MVB12B: variants seen among roughly 807,000 people sequenced by gnomAD.
MVB12B encodes multivesicular body subunit 12B.
MVB12B carries 16 observed loss-of-function variants against 41.6 expected under a neutral mutation model. The observed-to-expected ratio is 0.38, with a 90% CI of 0.26 to 0.58. The LOEUF (loss-of-function observed/expected upper bound fraction) is 0.58, where lower values mean the gene tolerates loss of function less well. Among genes scored for constraint, MVB12B ranks in the 20% least tolerant of loss-of-function variants. MVB12B has a pLI of 0.62. For synonymous variants in MVB12B, 133 were observed against 139.7 expected, an observed-to-expected ratio of 0.95 and a Z score of 0.34; for missense variants, 274 against 380.2, an observed-to-expected ratio of 0.72 and a Z score of 2.32.
At chr9:126,418,880 C>A (rs1388385490) in intron 6 of MVB12B, among the ~76,000 whole-genome samples, 1 of 152,214 alleles carries the variant, frequency 6.6e-6, no homozygotes, top group Non-Finnish European at 1.5e-5. Flanking sequence ...CTTGAGTCTT[C>A]CCGCCTTCCA....
intron 6 of MVB12B, among the ~76,000 whole-genome samples, chr9:126,408,994 G>T (rs935171898): frequency 2.0e-5 from 3 of 152,092 alleles, no homozygotes; most frequent in Admixed American, 6.5e-5. Flanking sequence ...TGCGGGGTTT[G>T]GATGGCCACC....
chr9:126,474,421 C>T (rs993452275), intron 7 of MVB12B, among the ~76,000 whole-genome samples: 3 of 152,138 alleles, frequency 2.0e-5, no homozygotes, highest in African/African-American at 7.2e-5. Flanking sequence ...ATGAAGAATG[C>T]ATGCCGTTGA....
At chr9:126,448,827 C>T (rs950699273) in intron 7 of MVB12B, among the ~76,000 whole-genome samples, 1 of 152,126 alleles carries the variant, frequency 6.6e-6, no homozygotes, top group Non-Finnish European at 1.5e-5. Flanking sequence ...TCCCACCAGG[C>T]TCCCCGCCTC....
chr9:126,458,773 G>A (rs1833035117), intron 7 of MVB12B, among the ~76,000 whole-genome samples: 1 of 152,172 alleles, frequency 6.6e-6, no homozygotes, highest in Non-Finnish European at 1.5e-5. Flanking sequence ...ATGGCTGGAA[G>A]TCATTACTCA....
intron 2 of MVB12B, among the ~76,000 whole-genome samples, chr9:126,353,593 G>A (rs1176123250): frequency 2.0e-5 from 3 of 152,178 alleles, no homozygotes; most frequent in Admixed American, 6.5e-5. Context: ...TGGCAGTAGC[G>A]TGAGTGTTGT....
chr9:126,346,128 TAGAC>T (rs1427702245), intron 2 of MVB12B, among the ~76,000 whole-genome samples: 1 of 152,070 alleles, frequency 6.6e-6, no homozygotes, highest in Non-Finnish European at 1.5e-5. Context: ...AAGAGGCTCT[TAGAC>T]AGATGTGTGT....
chr9:126,419,491 G>A (rs1425204025), intron 6 of MVB12B, among the ~76,000 whole-genome samples: 3 of 152,168 alleles, frequency 2.0e-5, no homozygotes, highest in Non-Finnish European at 4.4e-5. Context: ...TACCTGCCTC[G>A]AGGGGCGTTG....
chr9:126,486,885 C>CG lies in MVB12B; in HGVS notation c.873+2853_873+2854insG, dbSNP rs1588207761. On this transcript the variant is annotated intron_variant, in intron 9 of 9. Transcript: ENST00000361171. This position sits in a 1 kb window ranked among gnomAD's most constrained non-coding sequence, Gnocchi z 4.7. ...GGCTGGTGGCCAGTCAGTCTAGTTC[C>CG]TTAACCTGGGTGGGCCTTCGAGTTG... Among the ~76,000 whole-genome samples, 4 of 152,270 alleles carry CG rather than the reference C, an allele frequency of 2.6e-5. No homozygotes were observed. The highest frequency in any genetic ancestry group is 2.1e-4 in the South Asian group (1 of 4,824).
intron 7 of MVB12B, among the ~76,000 whole-genome samples, chr9:126,476,453 C>A (rs954845358): frequency 6.6e-6 from 1 of 152,214 alleles, no homozygotes; most frequent in South Asian, 2.1e-4. Context: ...GCACCCTGCC[C>A]GCTCCCTGCA....
Position 126,340,585 on chromosome 9 carries a change from C to T in MVB12B, c.159C>T (p.Val53=), listed in dbSNP as rs144718826. 3.7e-5 allele frequency: 60 copies of T among 1,614,012 alleles called. No individual in the cohort carries two copies. The highest frequency in any genetic ancestry group is 8.8e-5 in the South Asian group (8 of 91,070). ...CGTCAATGGATCCCATCACGGGAGTCGGGGTGGTGGCTTCTCGGAACCGAG... is the reference window on the plus strand; with the variant it reads ...CGTCAATGGATCCCATCACGGGAGTTGGGGTGGTGGCTTCTCGGAACCGAG... ...PETSMDPITG[V]GVVASRNRAP... Residue 53 remains valine, a synonymous_variant, in exon 2 of 10, where the codon GTC becomes GTT. Coordinates refer to ENST00000361171, the MANE Select transcript of MVB12B (RefSeq NM_033446.3). The surrounding 1 kb of genome is among the most constrained non-coding windows in gnomAD (Gnocchi z 4.0).
intron 2 of MVB12B, among the ~76,000 whole-genome samples, chr9:126,348,743 A>C (rs1043974128): frequency 6.6e-6 from 1 of 152,104 alleles, no homozygotes; most frequent in African/African-American, 2.4e-5. Context: ...TTTTCAGTTA[A>C]ACTTTTTATT....
At position 126,333,332 on chromosome 9, in the gene MVB12B, G is replaced by A. The variant is rs182250952; in HGVS notation, c.81+6322G>A. Among the ~76,000 whole-genome samples, 39 of 151,878 alleles carry A rather than the reference G, an allele frequency of 2.6e-4. No individual in the cohort carries two copies. The highest frequency in any genetic ancestry group is 1.7e-3 in the Admixed American group (26 of 15,276). On this transcript the variant is annotated intron_variant, in intron 1 of 9. Coordinates refer to ENST00000361171, the MANE Select transcript of MVB12B (RefSeq NM_033446.3). The surrounding 1 kb of genome is among the most constrained non-coding windows in gnomAD (Gnocchi z 4.7). ...GAACTCCTGACCTTGTGATCTGTCC[G>A]CCTCGGACTCCCAAGGTGCTGGGAT...
At chr9:126,431,668 T>A (rs1454268693) in intron 7 of MVB12B, among the ~76,000 whole-genome samples, 1 of 152,118 alleles carries the variant, frequency 6.6e-6, no homozygotes, top group Non-Finnish European at 1.5e-5. Flanking sequence ...ATGGGCCACA[T>A]CCCCTTCTTA....
At chr9:126,500,485 G>C (rs1833931248) in intron 9 of MVB12B, among the ~76,000 whole-genome samples, 1 of 152,078 alleles carries the variant, frequency 6.6e-6, no homozygotes, top group Admixed American at 6.5e-5. Flanking sequence ...CCAGGTTCCA[G>C]TGATTGGGTC....
rs566527850 is a variant in MVB12B at position 126,472,659 on chromosome 9, T to C, written c.758-8710T>C. Among the ~76,000 whole-genome samples, 6 of 152,254 alleles carry C rather than the reference T, an allele frequency of 3.9e-5. No individual in the cohort carries two copies. In the South Asian group the frequency reaches 8.3e-4, roughly 21 times the overall value. On this transcript the variant is annotated intron_variant, in intron 7 of 9. Coordinates refer to ENST00000361171, the MANE Select transcript of MVB12B (RefSeq NM_033446.3). ...AGCTCATTGTTTTCTGGTTTTTTTC[T>C]TTAATGTATTTTACAAACACTCTGG...
intron 2 of MVB12B, among the ~76,000 whole-genome samples, chr9:126,354,089 G>A (rs961392330): frequency 2.6e-5 from 4 of 152,194 alleles, no homozygotes; most frequent in Admixed American, 2.6e-4. Flanking sequence ...TTAGCAATAA[G>A]GCTGAGCATC....
intron 2 of MVB12B, among the ~76,000 whole-genome samples, chr9:126,346,259 A>G (rs1032704994): frequency 6.6e-6 from 1 of 152,190 alleles, no homozygotes; most frequent in East Asian, 1.9e-4. Flanking sequence ...AGCCTGCGCC[A>G]GGCTATTGAC....
At chr9:126,450,246 C>T (rs755044085) in intron 7 of MVB12B, among the ~76,000 whole-genome samples, 12 of 152,168 alleles carry the variant, frequency 7.9e-5, no homozygotes, top group Non-Finnish European at 4.4e-5. Flanking sequence ...CCCAGGTGGG[C>T]GGTGGGCAAG....
intron 7 of MVB12B, among the ~76,000 whole-genome samples, chr9:126,439,634 C>T (rs1018355428): frequency 6.6e-6 from 1 of 152,234 alleles, no homozygotes; most frequent in Non-Finnish European, 1.5e-5. Flanking sequence ...TCTGTATTCA[C>T]TTTACCTCCA....
Sources: allele counts gnomAD v4.1 joint callset (sites outside exome capture counted in the v4.1 genomes callset), GRCh38; gene constraint gnomAD v4.1.1; non-coding constraint Gnocchi (gnomAD v3.1); transcripts MANE v1.5; gene names NCBI Gene and HGNC (gene_info 2026-07-23, HGNC 2026-07-21).